DENND4B: variants seen among roughly 807,000 people sequenced by gnomAD.
The protein encoded by DENND4B is DENN domain containing 4B, also known as DENN domain-containing protein 4B.
A neutral mutation model predicts 161.0 loss-of-function variants in DENND4B; 67 were observed. The observed-to-expected ratio is 0.42, with a 90% confidence interval of 0.34 to 0.51. The LOEUF (loss-of-function observed/expected upper bound fraction) is 0.51, where lower values mean the gene tolerates loss of function less well. DENND4B is among the 20% of genes least tolerant of loss of function. The probability of loss-of-function intolerance (pLI) is 0.08; values close to 1 mark genes in which losing one functional copy is unlikely to be tolerated. For synonymous variants in DENND4B, 753 were observed against 813.8 expected, an observed-to-expected ratio of 0.93 and a Z score of 1.27; for missense variants, 1,481 against 1,968.0, an observed-to-expected ratio of 0.75 and a Z score of 4.68.
At chr1:153,939,884 A>G in intron 11 of DENND4B, 80 bp from the exon 12 acceptor site, 1 of 1,397,324 alleles carries the variant, frequency 7.2e-7, no homozygotes, top group Non-Finnish European at 9.9e-7. Context: ...CTCCATCTCC[A>G]CCTCCAGCCT....
chr1:153,942,106 C>A lies in DENND4B; in HGVS notation c.818G>T (p.Gly273Val). Residue 273 changes from glycine (G) to valine (V), a missense_variant, in exon 6 of 28, where the codon GGT becomes GTT. By Grantham distance (109) the Gly-to-Val change is moderately radical. Around this residue, in one of 3 missense-constraint regions of DENND4B, gnomAD observed 806 missense variants for 1,134.4 expected, o/e 0.71. Coordinates refer to ENST00000361217, the MANE Select transcript of DENND4B (RefSeq NM_014856.3). This position sits in a 1 kb window ranked among gnomAD's most constrained non-coding sequence, Gnocchi z 6.9. ...CGCCTCGTAGAACTGCAGGGCGGCA[C>A]CATACACCTGGCAGGGGGCAGAAGG... ...LTGAAGDKVY[G>V]AALQFYEAFP... 1 of 1,613,614 alleles carries A rather than the reference C, an allele frequency of 6.2e-7. No individual in the cohort carries two copies. Among genetic ancestry groups the A allele is most frequent in the Non-Finnish European group, 8.5e-7 (1 of 1,179,794 alleles).
Position 153,936,512 on chromosome 1 carries a change from G to A in DENND4B, c.2439+30C>T. The A allele has an allele frequency of 6.5e-7, 1 of 1,535,418 alleles. No homozygotes were observed. Among genetic ancestry groups the A allele is most frequent in the South Asian group, 1.2e-5 (1 of 80,928 alleles). The stretch of plus-strand genomic sequence containing the variant: ...AGCTGCACAAGGCTCACTGGGCCTG[G>A]GTATGAGCATGGTCACATAGATTGC... On this transcript the variant is annotated intron_variant, in intron 16 of 27. Coordinates refer to ENST00000361217, the MANE Select transcript of DENND4B (RefSeq NM_014856.3). The surrounding 1 kb of genome is among the most constrained non-coding windows in gnomAD (Gnocchi z 4.1).
At position 153,944,209 on chromosome 1, in the gene DENND4B, C is replaced by A; in HGVS notation, c.166G>T (p.Ala56Ser). 1.9e-6 allele frequency: 3 copies of A among 1,609,298 alleles called. No individual in the cohort carries two copies. The highest frequency in any genetic ancestry group is 1.1e-5 in the South Asian group (1 of 90,544). ...PITDVAVIAR[A>S]LGEEVPQGYT... is the part of the protein sequence containing the mutation. The stretch of plus-strand genomic sequence containing the variant: ...CCCTGGGGCACTTCCTCGCCCAGTG[C>A]CCTAGCGATGACTGCCACATCTGTG... Residue 56 changes from alanine (A) to serine (S), a missense_variant, in exon 2 of 28, where the codon GCA (alanine) becomes TCA (serine). Around this residue, in one of 3 missense-constraint regions of DENND4B, gnomAD observed 806 missense variants for 1,134.4 expected, o/e 0.71. Transcript: ENST00000361217. This position sits in a 1 kb window ranked among gnomAD's most constrained non-coding sequence, Gnocchi z 4.8.
chr1:153,946,889 T>C (rs1680007673), upstream of DENND4B, among the ~76,000 whole-genome samples: 1 of 152,158 alleles, frequency 6.6e-6, no homozygotes, highest in African/African-American at 2.4e-5. This position sits in a 1 kb window ranked among gnomAD's most constrained non-coding sequence, Gnocchi z 6.3. Context: ...GTGGCAAGCA[T>C]GATGTGGGCG....
Position 153,933,106 on chromosome 1 carries a change from C to A in DENND4B, c.3454-76G>T. The A allele has an allele frequency of 1.2e-6, 2 of 1,609,934 alleles. No individual in the cohort carries two copies. Among genetic ancestry groups the A allele is most frequent in the Non-Finnish European group, 8.5e-7 (1 of 1,177,144 alleles). ...TGGAGCCCATGCCCCTTCCCCAGCC[C>A]CTCCCACCTCCTCCCCATCTCCTGC... is the stretch of plus-strand genomic sequence containing the variant. On this transcript the variant is annotated intron_variant, in intron 21 of 27. Coordinates refer to ENST00000361217, the MANE Select transcript of DENND4B (RefSeq NM_014856.3). This position sits in a 1 kb window ranked among gnomAD's most constrained non-coding sequence, Gnocchi z 5.7.
Position 153,936,953 on chromosome 1 carries a change from C to G in DENND4B, c.2233-205G>C, listed in dbSNP as rs1208324633. 1.3e-5 allele frequency among the ~76,000 whole-genome samples: 2 copies of G among 152,178 alleles called. No homozygotes were observed. The highest frequency in any genetic ancestry group is 3.8e-4 in the East Asian group (2 of 5,206). ...AGTAGCTGGGACGCACCACCAAGCC[C>G]GACTGATTGTTTTGTACTTTTTGTA... On this transcript the variant is annotated intron_variant, in intron 15 of 27. Transcript: ENST00000361217. The surrounding 1 kb of genome is among the most constrained non-coding windows in gnomAD (Gnocchi z 4.1).
rs529111450 is a variant in DENND4B, at chr1:153,938,234, C to T, written c.1966-371G>A. On this transcript the variant is annotated intron_variant, in intron 13 of 27. Coordinates refer to ENST00000361217, the MANE Select transcript of DENND4B (RefSeq NM_014856.3). ...GACCAGCCTGGCCAACATGGTGAAA[C>T]CCTGTCTCTAGTAAAAATACAAAAA... Among the ~76,000 whole-genome samples, 9 of 152,142 alleles carry T rather than the reference C, an allele frequency of 5.9e-5. No homozygotes were observed. The East Asian group carries it at 1.7e-3, about 29-fold the overall frequency.
chr1:153,934,441 GTTTGT>G lies in DENND4B; in HGVS notation c.2774-144_2774-140del, dbSNP rs1389570208. 8.6e-6 allele frequency: 11 copies of G among 1,271,776 alleles called. No individual in the cohort carries two copies. Among genetic ancestry groups the G allele is most frequent in the African/African-American group, 3.0e-5 (2 of 65,714 alleles). The allele number at this position is 1,271,776 out of a possible 1,614,324, so 78.8% of individuals were successfully genotyped here. A position where few individuals can be genotyped will look rare whatever the true frequency, so the allele number is the denominator to read the frequency against. ...TTATCCGTTTTGTGTTTGTTTGTTT[GTTTGT>G]TTTGTTTTGTTTTTTGAGATGGAGT... is the stretch of plus-strand genomic sequence containing the variant. On this transcript the variant is annotated intron_variant, in intron 18 of 27. Transcript: ENST00000361217. This position sits in a 1 kb window ranked among gnomAD's most constrained non-coding sequence, Gnocchi z 5.3.
Position 153,933,553 on chromosome 1 carries a change from G to C in DENND4B, c.3260C>G (p.Pro1087Arg). The C allele has an allele frequency of 6.4e-7, 1 of 1,550,650 alleles. No homozygotes were observed. Among genetic ancestry groups the C allele is most frequent in the Non-Finnish European group, 8.7e-7 (1 of 1,150,844 alleles). Reference protein sequence around the residue: ...PPPELPPDLPPPARRSPMDSL... With the variant: ...PPPELPPDLPRPARRSPMDSL... ...GTCCATGGGGCTGCGGCGGGCTGGG[G>C]GTGGCAGGTCAGGAGGCAGCTCAGG... The change falls in exon 20 of 28, where the codon CCC (proline) becomes CGC (arginine). Residue 1087 changes from proline to arginine, a missense_variant. By Grantham distance (103) the Pro-to-Arg change is moderately radical (BLOSUM62 -2). Around this residue, in one of 3 missense-constraint regions of DENND4B, gnomAD observed 339 missense variants for 330.3 expected, o/e 1.03. Transcript: ENST00000361217. This position sits in a 1 kb window ranked among gnomAD's most constrained non-coding sequence, Gnocchi z 5.7.
chr1:153,944,351 C>G lies in DENND4B; in HGVS notation c.24G>C (p.Arg8=). ...CAGCTACCACGAAGTAATCCACCAG[C>G]CGGGGGGGCCGCTCCTCCGCCATGG... MAEERPP[R]LVDYFVVAGL... Residue 8 remains arginine, a synonymous_variant, in exon 2 of 28, where the codon CGG becomes CGC. Coordinates refer to ENST00000361217, the MANE Select transcript of DENND4B (RefSeq NM_014856.3). The surrounding 1 kb of genome is among the most constrained non-coding windows in gnomAD (Gnocchi z 4.8). 1 of 1,607,632 alleles carries G rather than the reference C, an allele frequency of 6.2e-7. No homozygotes were observed. The highest frequency in any genetic ancestry group is 8.5e-7 in the Non-Finnish European group (1 of 1,177,252).
rs1214777822 is a variant in DENND4B, at chr1:153,933,033, G to A, written c.3454-3C>T. On this transcript the variant is annotated splice_region_variant and splice_polypyrimidine_tract_variant and intron_variant, in intron 21 of 27. Coordinates refer to ENST00000361217, the MANE Select transcript of DENND4B (RefSeq NM_014856.3). The surrounding 1 kb of genome is among the most constrained non-coding windows in gnomAD (Gnocchi z 5.7). ...AGGGAGCAGCTGGACAGCAGAATCT[G>A]TGGGCAGGGAGAGTCGGGAAGTAGG... 14 of 1,613,366 alleles carry A rather than the reference G, an allele frequency of 8.7e-6. No homozygotes were observed. The highest frequency in any genetic ancestry group is 1.2e-5 in the Non-Finnish European group (14 of 1,179,498).
At chr1:153,938,633 C>T (rs1200938658) in intron 13 of DENND4B, among the ~76,000 whole-genome samples, 1 of 146,664 alleles carries the variant, frequency 6.8e-6, no homozygotes, top group Non-Finnish European at 1.5e-5. Context: ...ACCCGGGAGG[C>T]AGAGCTTGTA....
intron 8 of DENND4B, 77 bp downstream of exon 8, chr1:153,941,154 A>G (rs1352286740): frequency 6.3e-7 from 1 of 1,587,238 alleles, no homozygotes; most frequent in East Asian, 2.3e-5. Flanking sequence ...ATAAACCTCA[A>G]CAGCTGCACC....
In DENND4B at chr1:153,940,719, G is replaced by A. The variant is rs1679616666; in HGVS notation, c.1327-113C>T. On this transcript the variant is annotated intron_variant, in intron 9 of 27. Coordinates refer to ENST00000361217, the MANE Select transcript of DENND4B (RefSeq NM_014856.3). The surrounding 1 kb of genome is among the most constrained non-coding windows in gnomAD (Gnocchi z 5.6). Reference sequence around the variant, plus strand: ...TGGGGAGTTGGTGCCTGTTGAGAGAGGCTGTTGGAAGTAGGCTCTAGAGAA... The same window carrying A: ...TGGGGAGTTGGTGCCTGTTGAGAGAAGCTGTTGGAAGTAGGCTCTAGAGAA... 2.0e-6 allele frequency: 3 copies of A among 1,474,436 alleles called. No homozygotes were observed. The highest frequency in any genetic ancestry group is 2.7e-6 in the Non-Finnish European group (3 of 1,092,474). 91.3% of individuals were successfully genotyped at this position (1,474,436 alleles called of 1,614,324 possible).
rs1197244007 is a variant in DENND4B, at chr1:153,932,069, A to C, written c.3996+135T>G. ...TGATTCGCCCACCTCGGCCTCCCAA[A>C]GTGCTGGGATTACAGGCATGAGCCA... is the stretch of plus-strand genomic sequence containing the variant. On this transcript the variant is annotated intron_variant, in intron 24 of 27. Coordinates refer to ENST00000361217, the MANE Select transcript of DENND4B (RefSeq NM_014856.3). This position sits in a 1 kb window ranked among gnomAD's most constrained non-coding sequence, Gnocchi z 5.8. The C allele has an allele frequency of 1.2e-6, 1 of 815,572 alleles. No homozygotes were observed. The highest frequency in any genetic ancestry group is 1.9e-6 in the Non-Finnish European group (1 of 519,496). The allele number at this position is 815,572 out of a possible 1,614,324, so 50.5% of individuals were successfully genotyped here.
intron 17 of DENND4B, chr1:153,935,169 G>A (rs1310585905): frequency 2.2e-6 from 2 of 919,440 alleles, no homozygotes; most frequent in Non-Finnish European, 3.1e-6. Context: ...GAAGAACCCA[G>A]AGGCAGTGGA....
At chr1:153,939,472 C>T (rs1571050616) in intron 12 of DENND4B, 117 bp downstream of exon 12, 1 of 1,167,560 alleles carries the variant, frequency 8.6e-7, no homozygotes, top group East Asian at 2.4e-5. Context: ...AAACATTTGC[C>T]TAGTGAAGGA....
intron 12 of DENND4B, among the ~76,000 whole-genome samples, 156 bp from the exon 13 acceptor site, chr1:153,939,201 C>G (rs565903927): frequency 2.0e-5 from 3 of 152,270 alleles, no homozygotes; most frequent in African/African-American, 7.2e-5. Context: ...ACCAGGCTGA[C>G]CAGCTCAGCA....
At position 153,946,347 on chromosome 1, in the gene DENND4B, AGGGCGAGCTGGCGGGCCGGC is replaced by A; in HGVS notation, c.-90_-71del. The A allele has an allele frequency of 5.4e-6, 2 of 371,414 alleles. No homozygotes were observed. The highest frequency in any genetic ancestry group is 9.6e-6 in the Non-Finnish European group (2 of 208,640). The allele number at this position is 371,414 out of a possible 1,614,324, so 23.0% of individuals were successfully genotyped here. ...GCCGGCCCGCTGGCGGGTGGCTCGG[AGGGCGAGCTGGCGGGCCGGC>A]GGGCGGCGGGGCTACCCGGCCCCAG... is the stretch of plus-strand genomic sequence containing the variant. On this transcript the variant is annotated 5_prime_UTR_variant, in exon 1 of 28. Transcript: ENST00000361217. This position sits in a 1 kb window ranked among gnomAD's most constrained non-coding sequence, Gnocchi z 6.3.
Sources: allele counts gnomAD v4.1 joint callset (sites outside exome capture counted in the v4.1 genomes callset), GRCh38; gene constraint gnomAD v4.1.1; regional missense constraint gnomAD v4.1.1; non-coding constraint Gnocchi (gnomAD v3.1); transcripts MANE v1.5; gene names NCBI Gene and HGNC (gene_info 2026-07-23, HGNC 2026-07-21).